CAB39: variants seen among roughly 807,000 people sequenced by gnomAD.
CAB39 encodes calcium-binding protein 39.
In CAB39, 8 loss-of-function variants were observed where a neutral mutation model predicts 40.0. The ratio of observed to expected loss-of-function variants is 0.20; its 90% confidence interval spans 0.12 to 0.36. CAB39 has a LOEUF of 0.36. Ranked by LOEUF, CAB39 falls within the 10% of genes least tolerant of loss-of-function variation. The probability of loss-of-function intolerance (pLI) is 1.00; values close to 1 mark genes in which losing one functional copy is unlikely to be tolerated. For synonymous variants in CAB39, 156 were observed against 141.6 expected (o/e 1.10, Z -0.72); for missense variants, 270 against 401.1 (o/e 0.67, Z 2.79).
chr2:230,723,469 T>C (rs946857624), intron 1 of CAB39, among the ~76,000 whole-genome samples: 6 of 152,180 alleles, frequency 3.9e-5, no homozygotes, highest in Admixed American at 2.0e-4. Context: ...ATCAGAGAAA[T>C]CTTGCTGCCC....
In CAB39 at chr2:230,782,418, C is replaced by G. The variant is rs114101240; in HGVS notation, c.115-8454C>G. ...AAAAAGGAGAAATGGAAGAAGAAAT[C>G]AATGAGTACCAACATAATGATCATT... On this transcript the variant is annotated intron_variant, in intron 2 of 8. Transcript: ENST00000258418. 4.2e-3 allele frequency among the ~76,000 whole-genome samples: 643 copies of G among 152,086 alleles called. 1 individual carries two copies. The highest frequency in any genetic ancestry group is 0.014 in the African/African-American group (590 of 41,450).
intron 5 of CAB39, among the ~76,000 whole-genome samples, chr2:230,803,257 A>C (rs1696125521): frequency 6.6e-6 from 1 of 152,238 alleles, no homozygotes; most frequent in African/African-American, 2.4e-5. Context: ...AACGTATCTC[A>C]AAATAATCAG....
intron 1 of CAB39, among the ~76,000 whole-genome samples, chr2:230,724,192 C>T (rs536478117): frequency 4.0e-5 from 6 of 149,210 alleles, no homozygotes; most frequent in South Asian, 2.1e-4. Context: ...GGTTGCAGCG[C>T]GCCGAGATTG....
rs1696496639 is a variant in CAB39 at position 230,820,829 on chromosome 2, A to C, written c.*2125A>C. 6.5e-6 allele frequency: 1 copy of C among 152,672 alleles called. No individual in the cohort carries two copies. The highest frequency in any genetic ancestry group is 6.5e-5 in the Admixed American group (1 of 15,292). 9.5% of individuals were successfully genotyped at this position (152,672 alleles called of 1,614,324 possible). On this transcript the variant is annotated 3_prime_UTR_variant, in exon 9 of 9. Coordinates refer to ENST00000258418, the MANE Select transcript of CAB39 (RefSeq NM_016289.4). ...AGTTTGAAATGTTGCATTTGAAGTT[A>C]TGATCATTTAATATATTCATATTAC...
chr2:230,753,743 CA>C (rs60868418), intron 1 of CAB39, among the ~76,000 whole-genome samples: 19,467 of 85,334 alleles, frequency 0.23, 1,650 homozygotes, highest in African/African-American at 0.41. Context: ...GACTCCATCT[CA>C]AAAAAAAAAA....
In CAB39 at chr2:230,790,995, C is replaced by T; in HGVS notation, c.238C>T (p.Leu80Phe). 6.2e-7 allele frequency: 1 copy of T among 1,604,886 alleles called. No homozygotes were observed. The highest frequency in any genetic ancestry group is 1.3e-5 in the African/African-American group (1 of 74,356). The change falls in exon 3 of 9, where the codon CTT (leucine) becomes TTT (phenylalanine). Residue 80 changes from leucine to phenylalanine, a missense_variant. Transcript: ENST00000258418. ...TCAAGAACTCTATAATAGTGGGCTC[C>T]TTAGCACCCTGGTAGCTGATTTACA... is the stretch of plus-strand genomic sequence containing the variant. ...LAQELYNSGL[L>F]STLVADLQLI...
chr2:230,788,473 T>G (rs564544990), intron 2 of CAB39, among the ~76,000 whole-genome samples: 4 of 152,218 alleles, frequency 2.6e-5, no homozygotes, highest in African/African-American at 7.2e-5. Flanking sequence ...GCCAATTCTC[T>G]TTTAAATAAA....
At position 230,790,839 on chromosome 2, in the gene CAB39, TCTCCTCTTCCCAA is replaced by T; in HGVS notation, c.115-25_115-13del. On this transcript the variant is annotated intron_variant, in intron 2 of 8. Coordinates refer to ENST00000258418, the MANE Select transcript of CAB39 (RefSeq NM_016289.4). ...ATGTTTGTTAAAATGAATTGTTTTT[TCTCCTCTTCCCAA>T]CTCCTCTCTCTAAAATTAGGCTACA... 1 of 1,564,438 alleles carries T rather than the reference TCTCCTCTTCCCAA, an allele frequency of 6.4e-7. No homozygotes were observed. The highest frequency in any genetic ancestry group is 8.7e-7 in the Non-Finnish European group (1 of 1,153,570).
rs375324269 is a variant in CAB39, at chr2:230,797,868, G to A, written c.399-861G>A. ...GCCAAGAGGGAATCTTTGCTGGCCC[G>A]TTATTTCACTAGTGTGTTGGGAAAT... On this transcript the variant is annotated intron_variant, in intron 4 of 8. Transcript: ENST00000258418. 2.5e-4 allele frequency among the ~76,000 whole-genome samples: 38 copies of A among 152,308 alleles called. 1 individual carries two copies. Among genetic ancestry groups the A allele is most frequent in the East Asian group, 1.7e-3 (9 of 5,194 alleles).
intron 1 of CAB39, among the ~76,000 whole-genome samples, chr2:230,724,203 C>T (rs946287507): frequency 4.0e-5 from 6 of 150,066 alleles, no homozygotes; most frequent in Non-Finnish European, 4.4e-5. Context: ...GCCGAGATTG[C>T]GCCACTGCAC....
At chr2:230,718,406 C>G (rs1340485573) in intron 1 of CAB39, among the ~76,000 whole-genome samples, 1 of 152,158 alleles carries the variant, frequency 6.6e-6, no homozygotes, top group Non-Finnish European at 1.5e-5. Context: ...AATACTTGGA[C>G]AGGTTTCTGT....
intron 2 of CAB39, among the ~76,000 whole-genome samples, chr2:230,774,754 A>G (rs772880669): frequency 2.6e-5 from 4 of 152,142 alleles, no homozygotes; most frequent in Non-Finnish European, 5.9e-5. Context: ...ACAGTGACTC[A>G]TGGTTACTAA....
chr2:230,755,648 C>T (rs1454082636), intron 1 of CAB39, among the ~76,000 whole-genome samples: 1 of 152,096 alleles, frequency 6.6e-6, no homozygotes, highest in Non-Finnish European at 1.5e-5. Flanking sequence ...TAATTAAGCC[C>T]CAGCTCTTTA....
At chr2:230,800,374 A>G (rs1696067986) in intron 5 of CAB39, among the ~76,000 whole-genome samples, 1 of 152,234 alleles carries the variant, frequency 6.6e-6, no homozygotes, top group African/African-American at 2.4e-5. Flanking sequence ...TTATTTCCCA[A>G]AACTCTTAAA....
chr2:230,814,838 T>A (rs1332333385), intron 7 of CAB39, among the ~76,000 whole-genome samples: 4 of 152,202 alleles, frequency 2.6e-5, no homozygotes, highest in Non-Finnish European at 5.9e-5. Context: ...AGTTAAGAAG[T>A]GCATACCCTC....
chr2:230,740,267 AT>A (rs1694854028), intron 1 of CAB39, among the ~76,000 whole-genome samples: 1 of 152,198 alleles, frequency 6.6e-6, no homozygotes, highest in South Asian at 2.1e-4. Flanking sequence ...TCCCTGACCT[AT>A]TCATACTTTT....
rs187308253 is a variant in CAB39 at position 230,792,030 on chromosome 2, T to C, written c.279+994T>C. Among the ~76,000 whole-genome samples, 55 of 152,294 alleles carry C rather than the reference T, an allele frequency of 3.6e-4. No homozygotes were observed. In the East Asian group the frequency reaches 9.3e-3, roughly 26 times the overall value. On this transcript the variant is annotated intron_variant, in intron 3 of 8. Transcript: ENST00000258418. ...GTTCCAGAGGAGAAAATGACAGACG[T>C]ATAGCCAGATTAAATTTTGGAAAAG...
chr2:230,740,610 G>T (rs534092545), intron 1 of CAB39, among the ~76,000 whole-genome samples: 7 of 152,206 alleles, frequency 4.6e-5, no homozygotes, highest in African/African-American at 1.7e-4. Flanking sequence ...TGCCACCTCA[G>T]ACCATCAAGC....
chr2:230,795,637 T>C (rs1695973834), intron 4 of CAB39, among the ~76,000 whole-genome samples: 1 of 152,228 alleles, frequency 6.6e-6, no homozygotes, highest in African/African-American at 2.4e-5. Context: ...GTCCTCAGTC[T>C]GTAATCTGTC....
Sources: gnomAD v4.1 joint callset for allele counts (sites outside exome capture counted in the v4.1 genomes callset) on GRCh38, gnomAD v4.1.1 for gene constraint, MANE v1.5 for transcripts, NCBI Gene and HGNC (gene_info 2026-07-23, HGNC 2026-07-21) for gene names.